Variants in GPC5 observed in about 807,000 individuals in gnomAD.
The protein encoded by GPC5 is glypican-5.
In GPC5, 47 loss-of-function variants were observed where a neutral mutation model predicts 53.9. The ratio of observed to expected loss-of-function variants is 0.87; its 90% CI spans 0.69 to 1.11. GPC5 has a LOEUF of 1.11. Among genes scored for constraint, GPC5 ranks in the 50% most tolerant of loss-of-function variants. The pLI is 0.00. For synonymous variants in GPC5, 286 were observed against 263.3 expected (o/e 1.09, Z -0.84); for missense variants, 748 against 713.1 (o/e 1.05, Z -0.56).
intron 6 of GPC5, among the ~76,000 whole-genome samples, chr13:91,922,640 T>C (rs1321901516): frequency 2.0e-5 from 3 of 152,192 alleles, no homozygotes; most frequent in Non-Finnish European, 4.4e-5. Context: ...CTTGGCACTC[T>C]GTAACTAACT....
intron 7 of GPC5, among the ~76,000 whole-genome samples, chr13:92,763,053 G>T (rs952312548): frequency 6.6e-6 from 1 of 151,892 alleles, no homozygotes; most frequent in African/African-American, 2.4e-5. Flanking sequence ...TCTCTTGTAT[G>T]TCAGTGAGTT....
chr13:91,686,707 G>A lies in GPC5; in HGVS notation c.326-6480G>A, dbSNP rs73612033. Among the ~76,000 whole-genome samples, 7 of 151,980 alleles carry A rather than the reference G, an allele frequency of 4.6e-5. No individual in the cohort carries two copies. The East Asian group carries it at 9.6e-4, about 21-fold the overall frequency. ...AAATGGAATTAAAATTCATTGTAAC[G>A]TGTGTGATAAAAATTGGTTATAAAA... On this transcript the variant is annotated intron_variant, in intron 2 of 7. Coordinates refer to ENST00000377067, the MANE Select transcript of GPC5 (RefSeq NM_004466.6).
intron 2 of GPC5, among the ~76,000 whole-genome samples, chr13:91,517,110 C>T (rs932886812): frequency 2.6e-5 from 4 of 152,178 alleles, no homozygotes; most frequent in African/African-American, 9.7e-5. Flanking sequence ...TCCCCATGGT[C>T]TTGGGGATTA....
At chr13:92,755,049 C>T (rs200072848) in intron 7 of GPC5, among the ~76,000 whole-genome samples, 7,564 of 151,982 alleles carry the variant, frequency 0.05, 284 homozygotes, top group African/African-American at 0.1. Context: ...CCACACCACA[C>T]CTATTCCAAA....
intron 7 of GPC5, among the ~76,000 whole-genome samples, chr13:92,412,044 C>T (rs998430865): frequency 7.2e-5 from 11 of 152,166 alleles, no homozygotes; most frequent in Non-Finnish European, 1.3e-4. Flanking sequence ...TAACCTTTGA[C>T]ATACGGTTCT....
intron 7 of GPC5, among the ~76,000 whole-genome samples, chr13:92,387,749 A>G (rs1430194892): frequency 2.6e-5 from 4 of 152,160 alleles, no homozygotes; most frequent in Non-Finnish European, 4.4e-5. Context: ...ATCAAACTAT[A>G]TAAGCTTCAA....
chr13:91,535,703 C>T (rs2138696523), intron 2 of GPC5, among the ~76,000 whole-genome samples: 1 of 152,108 alleles, frequency 6.6e-6, no homozygotes, highest in South Asian at 2.1e-4. Context: ...ACGTGTCTCA[C>T]CTATTAGGGA....
At chr13:91,631,864 C>T (rs1038510624) in intron 2 of GPC5, among the ~76,000 whole-genome samples, 5 of 152,092 alleles carry the variant, frequency 3.3e-5, no homozygotes, top group Non-Finnish European at 7.3e-5. Flanking sequence ...TTATGAAGAA[C>T]TTGACAACTT....
chr13:92,062,503 C>T (rs186190886), intron 6 of GPC5, among the ~76,000 whole-genome samples: 41 of 151,928 alleles, frequency 2.7e-4, no homozygotes, highest in African/African-American at 9.2e-4. Flanking sequence ...TTCCTAATCT[C>T]GTAAAATAGC....
chr13:92,643,884 A>C (rs1008226474), intron 7 of GPC5, among the ~76,000 whole-genome samples: 10 of 113,018 alleles, frequency 8.8e-5, no homozygotes, highest in Admixed American at 1.7e-4. Flanking sequence ...TAATAAAAAA[A>C]GAACACACAC....
At chr13:92,290,269 TAGTG>T (rs1194187947) in intron 7 of GPC5, among the ~76,000 whole-genome samples, 3 of 152,210 alleles carry the variant, frequency 2.0e-5, no homozygotes, top group Non-Finnish European at 4.4e-5. Flanking sequence ...AATAGACACT[TAGTG>T]AGGAATCTAA....
At chr13:92,600,933 T>C (rs989968131) in intron 7 of GPC5, among the ~76,000 whole-genome samples, 1 of 152,176 alleles carries the variant, frequency 6.6e-6, no homozygotes, top group Non-Finnish European at 1.5e-5. Flanking sequence ...AACTACCTCA[T>C]GATTTTATCT....
At chr13:92,837,688 G>C (rs1196222545) in intron 7 of GPC5, among the ~76,000 whole-genome samples, 1 of 152,142 alleles carries the variant, frequency 6.6e-6, no homozygotes, top group Non-Finnish European at 1.5e-5. Flanking sequence ...CAAGAGACAA[G>C]TATCAGAGTA....
intron 7 of GPC5, among the ~76,000 whole-genome samples, chr13:92,411,349 G>A (rs1446167040): frequency 6.6e-6 from 1 of 152,042 alleles, no homozygotes; most frequent in African/African-American, 2.4e-5. Flanking sequence ...ATGACCAATT[G>A]GTCTATAATA....
At chr13:92,267,036 A>G (rs2042807159) in intron 7 of GPC5, among the ~76,000 whole-genome samples, 1 of 152,030 alleles carries the variant, frequency 6.6e-6, no homozygotes, top group Admixed American at 6.6e-5. Flanking sequence ...GCTAAAATTG[A>G]GTCTTTTATT....
At position 92,381,962 on chromosome 13, in the gene GPC5, G is replaced by GTATGTATGTATC. The variant is rs1555331686; in HGVS notation, c.1561+236976_1561+236977insGTATGTATCTAT. Among the ~76,000 whole-genome samples, 93 of 126,298 alleles carry GTATGTATGTATC rather than the reference G, an allele frequency of 7.4e-4. 1 individual carries two copies. Among genetic ancestry groups the GTATGTATGTATC allele is most frequent in the South Asian group, 4.6e-3 (19 of 4,114 alleles). 82.9% of individuals were successfully genotyped at this position (126,298 alleles called of 152,430 possible). A position where few individuals can be genotyped will look rare whatever the true frequency, so the allele number is the denominator to read the frequency against. On this transcript the variant is annotated intron_variant, in intron 7 of 7. Transcript: ENST00000377067. The stretch of plus-strand genomic sequence containing the variant: ...TATGAAATAATATCTATGTATGTAT[G>GTATGTATGTATC]TATCTATCTATCTATCTATCTATCT...
rs190557011 is a variant in GPC5 at position 91,498,659 on chromosome 13, G to A, written c.325+49737G>A. Reference sequence around the variant, plus strand: ...TTAAAAAGATAACTCTAAGGAGGGTGGAAGGGAGTGAAATGGTGGTCAGGG... The same window carrying A: ...TTAAAAAGATAACTCTAAGGAGGGTAGAAGGGAGTGAAATGGTGGTCAGGG... On this transcript the variant is annotated intron_variant, in intron 2 of 7. Transcript: ENST00000377067. Among the ~76,000 whole-genome samples the A allele has an allele frequency of 9.7e-4, 148 of 152,216 alleles. 1 individual carries two copies. In the Middle Eastern group the frequency reaches 0.017, roughly 17 times the overall value.
chr13:92,520,048 G>A (rs1250312647), intron 7 of GPC5, among the ~76,000 whole-genome samples: 1 of 152,044 alleles, frequency 6.6e-6, no homozygotes, highest in Non-Finnish European at 1.5e-5. Flanking sequence ...ATAAATTCCT[G>A]GACACATACA....
At chr13:91,518,000 C>T (rs964471262) in intron 2 of GPC5, among the ~76,000 whole-genome samples, 42 of 152,078 alleles carry the variant, frequency 2.8e-4, no homozygotes, top group East Asian at 3.9e-4. Context: ...GTTGAGATTT[C>T]GGCGAAGACA....
Sources: gnomAD v4.1 joint callset for allele counts (sites outside exome capture counted in the v4.1 genomes callset) on GRCh38, gnomAD v4.1.1 for gene constraint, MANE v1.5 for transcripts, NCBI Gene and HGNC (gene_info 2026-07-23, HGNC 2026-07-21) for gene names.